The following SPEG variants were observed in gnomAD, a reference collection of about 807,000 sequenced individuals.
SPEG encodes the protein striated muscle preferentially expressed protein kinase.
Under a neutral mutation model 300.4 loss-of-function variants are expected in SPEG, and 114 were observed. That is an observed-to-expected ratio of 0.38 (90% CI 0.33 to 0.44). The LOEUF is 0.44. SPEG is among the 20% of genes least tolerant of loss of function. The pLI is 1.00. For missense variants in SPEG, 4,201 were observed against 4,586.2 expected, an observed-to-expected ratio of 0.92 and a Z score of 2.43; for synonymous variants, 1,964 against 2,018.9, an observed-to-expected ratio of 0.97 and a Z score of 0.73.
chr2:219,482,631 C>T (rs1692957147), intron 28 of SPEG, among the ~76,000 whole-genome samples, 153 bp from the exon 29 acceptor site: 2 of 152,070 alleles, frequency 1.3e-5, no homozygotes, highest in Admixed American at 1.3e-4. Flanking sequence ...CCTGACAGAC[C>T]CAGGGGGAAG....
intron 13 of SPEG, among the ~76,000 whole-genome samples, chr2:219,470,360 C>T (rs1691763359): frequency 6.6e-6 from 1 of 152,190 alleles, no homozygotes; most frequent in Admixed American, 6.5e-5. Context: ...GCCCACCCGC[C>T]TGCCCATCTC....
At chr2:219,487,290 A>G (rs1416167628) in intron 31 of SPEG, among the ~76,000 whole-genome samples, 2 of 152,218 alleles carry the variant, frequency 1.3e-5, no homozygotes, top group Non-Finnish European at 2.9e-5. Flanking sequence ...CTGTGAAGGC[A>G]GCTTCTCTGC....
chr2:219,484,471 G>A lies in SPEG; in HGVS notation c.7008G>A (p.Lys2336=). 6.2e-7 allele frequency: 1 copy of A among 1,610,754 alleles called. No homozygotes were observed. The highest frequency in any genetic ancestry group is 1.3e-5 in the African/African-American group (1 of 75,042). ...NLESEAVFEA[K]FKRSRESPLS... is the part of the protein sequence containing the mutation. ...AGTCGGAGGCCGTGTTCGAGGCCAA[G>A]TTCAAGCGCAGCCGCGAGTCGCCCC... The change falls in exon 30 of 41, where the codon AAG becomes AAA. Residue 2336 remains lysine, a synonymous_variant. Transcript: ENST00000312358.
intron 22 of SPEG, among the ~76,000 whole-genome samples, chr2:219,478,531 A>C (rs965273412): frequency 6.6e-6 from 1 of 152,250 alleles, no homozygotes; most frequent in Admixed American, 6.5e-5. Flanking sequence ...ACCCCATTTC[A>C]GATCAATACT....
rs759334826 is a variant in SPEG, at chr2:219,458,641, C to T, written c.2441-3241C>T. 3.9e-5 allele frequency among the ~76,000 whole-genome samples: 6 copies of T among 152,214 alleles called. No homozygotes were observed. In the South Asian group the frequency reaches 1.2e-3, roughly 32 times the overall value. Reference sequence around the variant, plus strand: ...CACATGGGCTGTGTAGCCAAACCTCCTAGGTTCAAAGCTCTGCTCTGAGGT... The same window carrying T: ...CACATGGGCTGTGTAGCCAAACCTCTTAGGTTCAAAGCTCTGCTCTGAGGT... On this transcript the variant is annotated intron_variant, in intron 6 of 40. Coordinates refer to ENST00000312358, the MANE Select transcript of SPEG (RefSeq NM_005876.5). The surrounding 1 kb of genome is among the most constrained non-coding windows in gnomAD (Gnocchi z 4.2).
chr2:219,463,476 C>T (rs1314560136), intron 8 of SPEG, among the ~76,000 whole-genome samples: 1 of 117,912 alleles, frequency 8.5e-6, no homozygotes, highest in African/African-American at 3.3e-5. Context: ...TGCAGTGGTG[C>T]GATCTGGGCT....
chr2:219,455,699 G>A (rs536594767), intron 6 of SPEG, among the ~76,000 whole-genome samples: 2 of 152,292 alleles, frequency 1.3e-5, no homozygotes, highest in South Asian at 2.1e-4. Context: ...CTCACTGGGA[G>A]GGCACTGGTG....
At chr2:219,450,333 G>A (rs1689649142) in intron 4 of SPEG, among the ~76,000 whole-genome samples, 1 of 152,226 alleles carries the variant, frequency 6.6e-6, no homozygotes, top group African/African-American at 2.4e-5. Flanking sequence ...CTGAGGCTCA[G>A]AGAGGCTAAT....
At position 219,489,438 on chromosome 2, in the gene SPEG, T is replaced by TAGCTCCTGCTGCCCCCACACCCCC. The variant is rs769507703; in HGVS notation, c.8421_8444dup (p.Ala2808_Pro2815dup). On this transcript the variant is annotated inframe_insertion, in exon 36 of 41. Transcript: ENST00000312358. Reference sequence around the variant, plus strand: ...TCTCCTACCTCACTGGCCCCACCCCTAGCTCCTGCTGCCCCCACACCCCCG... The same window carrying TAGCTCCTGCTGCCCCCACACCCCC: ...TCTCCTACCTCACTGGCCCCACCCCTAGCTCCTGCTGCCCCCACACCCCCAGCTCCTGCTGCCCCCACACCCCCG... 2 of 1,455,416 alleles carry TAGCTCCTGCTGCCCCCACACCCCC rather than the reference T, an allele frequency of 1.4e-6. No homozygotes were observed. The highest frequency in any genetic ancestry group is 2.3e-5 in the South Asian group (2 of 88,764). The allele number at this position is 1,455,416 out of a possible 1,614,324, so 90.2% of individuals were successfully genotyped here. A position where few individuals can be genotyped will look rare whatever the true frequency, so the allele number is the denominator to read the frequency against.
At position 219,483,871 on chromosome 2, in the gene SPEG, G is replaced by C. The variant is rs376371756; in HGVS notation, c.6408G>C (p.Ala2136=). 2.1e-4 allele frequency: 339 copies of C among 1,595,954 alleles called. No homozygotes were observed. In the African/African-American group the frequency reaches 4.1e-3, roughly 19 times the overall value. The change falls in exon 30 of 41, where the codon GCG becomes GCC. Residue 2136 remains alanine, a synonymous_variant. Coordinates refer to ENST00000312358, the MANE Select transcript of SPEG (RefSeq NM_005876.5). ...QKSSSFSQGE[A]EPRGRHRRAG... ...GCAGCAGCTTCTCCCAGGGTGAGGC[G>C]GAGCCCCGGGGCCGGCACCGCCGAG...
intron 4 of SPEG, among the ~76,000 whole-genome samples, chr2:219,449,524 G>C (rs1575060853): frequency 6.6e-6 from 1 of 152,272 alleles, no homozygotes; most frequent in African/African-American, 2.4e-5. Flanking sequence ...AGGTGAGGCT[G>C]AGATGTGAGC....
At position 219,468,663 on chromosome 2, in the gene SPEG, G is replaced by T; in HGVS notation, c.3228G>T (p.Leu1076Phe). Residue 1076 changes from leucine (L) to phenylalanine (F), a missense_variant, in exon 11 of 41, where the codon TTG (leucine) becomes TTT (phenylalanine). Coordinates refer to ENST00000312358, the MANE Select transcript of SPEG (RefSeq NM_005876.5). The part of the protein sequence containing the change: ...FTRLLEDVEV[L>F]EGRAARFDCK... ...GGCTGCTGGAAGATGTGGAGGTGTT[G>T]GAGGGCCGAGCTGCCCGTTTCGACT... 6.2e-7 allele frequency: 1 copy of T among 1,614,110 alleles called. No homozygotes were observed. The highest frequency in any genetic ancestry group is 8.5e-7 in the Non-Finnish European group (1 of 1,180,000).
chr2:219,480,513 G>C lies in SPEG; in HGVS notation c.5343-158G>C, dbSNP rs1692738609. On this transcript the variant is annotated intron_variant, in intron 25 of 40. Transcript: ENST00000312358. This position sits in a 1 kb window ranked among gnomAD's most constrained non-coding sequence, Gnocchi z 5.3. ...TCTCCAGGCATATCTGGACCTGTAG[G>C]TTCAGGGTCCTCCCTGAAGAAGCCA... is the stretch of plus-strand genomic sequence containing the variant. Among the ~76,000 whole-genome samples, 1 of 152,106 alleles carries C rather than the reference G, an allele frequency of 6.6e-6. No individual in the cohort carries two copies. Among genetic ancestry groups the C allele is most frequent in the African/African-American group, 2.4e-5 (1 of 41,404 alleles).
chr2:219,444,799 C>T lies in SPEG; in HGVS notation c.479-26C>T. Reference sequence around the variant, plus strand: ...GGCGGGTTTTCCATAAGGGGTGCCTCAGTCTCACGGTGCTCCTTTCTCTAG... The same window carrying T: ...GGCGGGTTTTCCATAAGGGGTGCCTTAGTCTCACGGTGCTCCTTTCTCTAG... On this transcript the variant is annotated intron_variant, in intron 2 of 40. Transcript: ENST00000312358. This position sits in a 1 kb window ranked among gnomAD's most constrained non-coding sequence, Gnocchi z 7.8. 4 of 1,609,734 alleles carry T rather than the reference C, an allele frequency of 2.5e-6. No homozygotes were observed. The highest frequency in any genetic ancestry group is 2.5e-6 in the Non-Finnish European group (3 of 1,177,270).
intron 6 of SPEG, among the ~76,000 whole-genome samples, chr2:219,453,177 G>A (rs557290651): frequency 2.6e-5 from 4 of 152,342 alleles, no homozygotes; most frequent in East Asian, 3.9e-4. Flanking sequence ...GAAATTTGGC[G>A]AGGGGTGGGA....
In SPEG at chr2:219,482,102, C is replaced by T. The variant is rs545797572; in HGVS notation, c.5565+422C>T. ...TATGAGCTTCATGTGAGCAGGTTCT[C>T]GGTTCTCACTCATTCATCTTCAAAC... is the stretch of plus-strand genomic sequence containing the variant. On this transcript the variant is annotated intron_variant, in intron 28 of 40. Coordinates refer to ENST00000312358, the MANE Select transcript of SPEG (RefSeq NM_005876.5). 4 of 232,668 alleles carry T rather than the reference C, an allele frequency of 1.7e-5. No individual in the cohort carries two copies. In the East Asian group the frequency reaches 2.8e-4, roughly 16 times the overall value. 14.4% of individuals were successfully genotyped at this position (232,668 alleles called of 1,614,324 possible).
In SPEG at chr2:219,484,219, C is replaced by T; in HGVS notation, c.6756C>T (p.Leu2252=). 3.7e-6 allele frequency: 6 copies of T among 1,612,438 alleles called. No individual in the cohort carries two copies. Among genetic ancestry groups the T allele is most frequent in the Non-Finnish European group, 5.1e-6 (6 of 1,179,894 alleles). Residue 2252 remains leucine (L), a synonymous_variant, in exon 30 of 41, where the codon CTC becomes CTT. Coordinates refer to ENST00000312358, the MANE Select transcript of SPEG (RefSeq NM_005876.5). ...LTPYAQIIQS[L]QLSGHAQGPS... The stretch of plus-strand genomic sequence containing the variant: ...CCTATGCTCAGATCATTCAGTCCCT[C>T]CAGCTGTCAGGCCACGCCCAGGGCC...
chr2:219,454,976 C>T (rs1035050355), intron 6 of SPEG, among the ~76,000 whole-genome samples: 4 of 152,200 alleles, frequency 2.6e-5, no homozygotes, highest in Non-Finnish European at 5.9e-5. Flanking sequence ...TGCCTATAAT[C>T]CCAGCTACTC....
Position 219,492,895 on chromosome 2 carries a change from C to T in SPEG, c.*109C>T, listed in dbSNP as rs1340241987. The T allele has an allele frequency of 1.8e-6, 2 of 1,105,462 alleles. No homozygotes were observed. Among genetic ancestry groups the T allele is most frequent in the Non-Finnish European group, 2.6e-6 (2 of 755,564 alleles). The allele number at this position is 1,105,462 out of a possible 1,614,324, so 68.5% of individuals were successfully genotyped here. A position where few individuals can be genotyped will look rare whatever the true frequency, so the allele number is the denominator to read the frequency against. On this transcript the variant is annotated 3_prime_UTR_variant, in exon 41 of 41. Coordinates refer to ENST00000312358, the MANE Select transcript of SPEG (RefSeq NM_005876.5). ...GGCGGGCCTGGGGCTTCGGTTACCA[C>T]CAGCAGCAACATCTGGCTGGGCTCT...
Sources: gnomAD v4.1 joint callset for allele counts (sites outside exome capture counted in the v4.1 genomes callset) on GRCh38, gnomAD v4.1.1 for gene constraint, Gnocchi (gnomAD v3.1) non-coding constraint, MANE v1.5 for transcripts, NCBI Gene and HGNC (gene_info 2026-07-23, HGNC 2026-07-21) for gene names.